The following PPP1R3B variants were observed in gnomAD, a reference collection of about 807,000 sequenced individuals.
PPP1R3B encodes PP1 subunit R4.
PPP1R3B carries 8 observed loss-of-function variants against 14.6 expected under a neutral mutation model. The observed-to-expected ratio is 0.55, with a 90% CI of 0.32 to 0.99. The LOEUF (loss-of-function observed/expected upper bound fraction) is 0.99, where lower values mean the gene tolerates loss of function less well. PPP1R3B is among the 50% of genes least tolerant of loss of function. The pLI is 0.04. For synonymous variants in PPP1R3B, 169 were observed against 142.0 expected (o/e 1.19, Z -1.35); for missense variants, 452 against 360.1 (o/e 1.26, Z -2.07).
intron 1 of PPP1R3B, among the ~76,000 whole-genome samples, chr8:9,149,393 C>T (rs1394329336): frequency 1.3e-5 from 2 of 151,338 alleles, no homozygotes; most frequent in South Asian, 2.1e-4. Context: ...GTCCCAGCTA[C>T]TCAGGAGGCC....
At chr8:9,149,601 A>G (rs1259104468) in intron 1 of PPP1R3B, among the ~76,000 whole-genome samples, 1 of 152,224 alleles carries the variant, frequency 6.6e-6, no homozygotes, top group Admixed American at 6.5e-5. Flanking sequence ...GTAAACATTC[A>G]CAACCAGGTT....
chr8:9,149,936 C>T (rs1264704113), intron 1 of PPP1R3B, among the ~76,000 whole-genome samples: 2 of 152,254 alleles, frequency 1.3e-5, no homozygotes, highest in Non-Finnish European at 2.9e-5. Flanking sequence ...CCTTGCTTTG[C>T]TACTTGAGCG....
Position 9,141,574 on chromosome 8 carries a change from G to A in PPP1R3B, c.78C>T (p.Ile26=), listed in dbSNP as rs772127098. The A allele has an allele frequency of 2.4e-5, 38 of 1,613,992 alleles. No individual in the cohort carries two copies. Among genetic ancestry groups the A allele is most frequent in the Non-Finnish European group, 3.1e-5 (36 of 1,180,044 alleles). ...SLRQERFAFK[I]SPKPSKPLRP... is the part of the protein sequence containing the mutation. The stretch of plus-strand genomic sequence containing the variant: ...TCAGTGGTTTGCTGGGCTTTGGTGA[G>A]ATCTTAAAGGCAAACCTCTCTTGGC... Residue 26 remains isoleucine, a synonymous_variant, in exon 2 of 2, where the codon ATC becomes ATT. Transcript: ENST00000310455.
intron 1 of PPP1R3B, among the ~76,000 whole-genome samples, chr8:9,149,428 G>A (rs887127369): frequency 6.6e-6 from 1 of 152,054 alleles, no homozygotes; most frequent in Admixed American, 6.5e-5. Flanking sequence ...GCGTGAACCC[G>A]GGAGGCGGAG....
rs937490916 is a variant in PPP1R3B at position 9,150,637 on chromosome 8, G to A, written c.-92C>T. 6.6e-6 allele frequency: 1 copy of A among 152,360 alleles called. No individual in the cohort carries two copies. Among genetic ancestry groups the A allele is most frequent in the Admixed American group, 6.5e-5 (1 of 15,294 alleles). The allele number at this position is 152,360 out of a possible 1,614,324, so 9.4% of individuals were successfully genotyped here. ...GAGCCCGCAGGGTTGTGGCAAGCGC[G>A]ACTACGTGAGCGTCGGTGTGTCCGG... On this transcript the variant is annotated 5_prime_UTR_variant, in exon 1 of 2. Coordinates refer to ENST00000310455, the MANE Select transcript of PPP1R3B (RefSeq NM_024607.4).
chr8:9,151,021 T>C (rs1801412046), upstream of PPP1R3B, among the ~76,000 whole-genome samples: 1 of 152,060 alleles, frequency 6.6e-6, no homozygotes, highest in African/African-American at 2.4e-5. Flanking sequence ...GAACTTGTGC[T>C]AGTTTCGAAG....
Position 9,136,751 on chromosome 8 carries a change from A to C in PPP1R3B, c.*4043T>G, listed in dbSNP as rs1168796084. On this transcript the variant is annotated 3_prime_UTR_variant, in exon 2 of 2. Coordinates refer to ENST00000310455, the MANE Select transcript of PPP1R3B (RefSeq NM_024607.4). ...TAACTTCTTGTCTCCGATTTCAGTG[A>C]ACATGTCAGGAGAGACGTGATCGGG... 1 of 152,228 alleles carries C rather than the reference A, an allele frequency of 6.6e-6. No individual in the cohort carries two copies. Among genetic ancestry groups the C allele is most frequent in the East Asian group, 1.9e-4 (1 of 5,208 alleles). 9.4% of individuals were successfully genotyped at this position (152,228 alleles called of 1,614,324 possible).
chr8:9,146,646 C>G (rs888878640), intron 1 of PPP1R3B, among the ~76,000 whole-genome samples: 1 of 152,096 alleles, frequency 6.6e-6, no homozygotes, highest in African/African-American at 2.4e-5. Flanking sequence ...TAACTTATGG[C>G]CAGAATGCAG....
chr8:9,140,477 C>G lies in PPP1R3B; in HGVS notation c.*317G>C. On this transcript the variant is annotated 3_prime_UTR_variant, in exon 2 of 2. Coordinates refer to ENST00000310455, the MANE Select transcript of PPP1R3B (RefSeq NM_024607.4). Reference sequence around the variant, plus strand: ...AGTGGAGAGCAGAGGAGAGACTCCTCCAGCTTCATCAGCACTGGCATAGGC... The same window carrying G: ...AGTGGAGAGCAGAGGAGAGACTCCTGCAGCTTCATCAGCACTGGCATAGGC... The G allele has an allele frequency of 2.8e-6, 1 of 360,086 alleles. No individual in the cohort carries two copies. The highest frequency in any genetic ancestry group is 5.1e-6 in the Non-Finnish European group (1 of 194,984). 22.3% of individuals were successfully genotyped at this position (360,086 alleles called of 1,614,324 possible).
intron 1 of PPP1R3B, among the ~76,000 whole-genome samples, chr8:9,147,162 A>T (rs1290845956): frequency 6.6e-6 from 1 of 151,110 alleles, no homozygotes; most frequent in African/African-American, 2.4e-5. Flanking sequence ...GTGCACCACC[A>T]CCCCCAGCTA....
At chr8:9,149,192 CA>C (rs768443532) in intron 1 of PPP1R3B, among the ~76,000 whole-genome samples, 1,785 of 68,800 alleles carry the variant, frequency 0.026, 45 homozygotes, top group African/African-American at 0.092. Flanking sequence ...AACTACGTCT[CA>C]AAAAAAAAAA....
intron 1 of PPP1R3B, among the ~76,000 whole-genome samples, chr8:9,143,424 C>A (rs1801148468): frequency 6.6e-6 from 1 of 152,112 alleles, no homozygotes; most frequent in Non-Finnish European, 1.5e-5. Context: ...AACCAGCAGG[C>A]CTGGGCGGTG....
intron 1 of PPP1R3B, among the ~76,000 whole-genome samples, chr8:9,149,015 G>A (rs1176347623): frequency 3.4e-5 from 5 of 148,568 alleles, no homozygotes; most frequent in Non-Finnish European, 7.4e-5. Context: ...GTGAAACCCC[G>A]TCTCTACTAA....
chr8:9,145,764 AAAAT>A (rs1358762385), intron 1 of PPP1R3B, among the ~76,000 whole-genome samples: 1 of 152,252 alleles, frequency 6.6e-6, no homozygotes, highest in African/African-American at 2.4e-5. Context: ...TATATCTTCT[AAAAT>A]AATATTGCTT....
chr8:9,141,943 A>C (rs1801105537), intron 1 of PPP1R3B: 1 of 339,382 alleles, frequency 2.9e-6, no homozygotes, highest in Non-Finnish European at 5.4e-6. Flanking sequence ...TTTAAAACTA[A>C]ATGCACAGGT....
In PPP1R3B at chr8:9,140,465, G is replaced by A. The variant is rs13264959; in HGVS notation, c.*329C>T. 11,604 of 338,030 alleles carry A rather than the reference G, an allele frequency of 0.034. 280 individuals are homozygous for A. Among genetic ancestry groups the A allele is most frequent in the Non-Finnish European group, 0.045 (8,092 of 179,890 alleles). 20.9% of individuals were successfully genotyped at this position (338,030 alleles called of 1,614,324 possible). A position where few individuals can be genotyped will look rare whatever the true frequency, so the allele number is the denominator to read the frequency against. The stretch of plus-strand genomic sequence containing the variant: ...GTCCCACATCTGAGTGGAGAGCAGA[G>A]GAGAGACTCCTCCAGCTTCATCAGC... On this transcript the variant is annotated 3_prime_UTR_variant, in exon 2 of 2. Coordinates refer to ENST00000310455, the MANE Select transcript of PPP1R3B (RefSeq NM_024607.4).
chr8:9,149,125 G>A (rs1199626932), intron 1 of PPP1R3B, among the ~76,000 whole-genome samples: 1 of 147,976 alleles, frequency 6.8e-6, no homozygotes, highest in Non-Finnish European at 1.5e-5. Context: ...CCCGGGAGGC[G>A]GAGCTTGCAG....
chr8:9,144,030 A>G (rs976427671), intron 1 of PPP1R3B, among the ~76,000 whole-genome samples: 46 of 152,158 alleles, frequency 3.0e-4, no homozygotes, highest in Non-Finnish European at 5.3e-4. Flanking sequence ...AGCAAAGAAC[A>G]TGAATAGAAA....
intron 1 of PPP1R3B, among the ~76,000 whole-genome samples, chr8:9,147,953 C>T (rs1801290212): frequency 6.6e-6 from 1 of 152,128 alleles, no homozygotes; most frequent in Non-Finnish European, 1.5e-5. Context: ...TGTGTGTCAC[C>T]ATAACTGCAG....
Sources: allele counts gnomAD v4.1 joint callset (sites outside exome capture counted in the v4.1 genomes callset), GRCh38; gene constraint gnomAD v4.1.1; transcripts MANE v1.5; gene names NCBI Gene and HGNC (gene_info 2026-07-23, HGNC 2026-07-21).